BBS4: variants seen among roughly 807,000 people sequenced by gnomAD.
BBS4 encodes Bardet-Biedl syndrome 4, also known as BBSome complex member BBS4.
BBS4 carries 58 observed loss-of-function variants against 71.4 expected under a neutral mutation model. The ratio of observed to expected loss-of-function variants is 0.81; its 90% CI spans 0.66 to 1.01. The LOEUF (loss-of-function observed/expected upper bound fraction) is 1.01. Among genes scored for constraint, BBS4 ranks in the 50% least tolerant of loss-of-function variants. The pLI is 0.00. For missense variants in BBS4, 660 were observed against 607.9 expected (o/e 1.09, Z -0.90); for synonymous variants, 228 against 216.8 (o/e 1.05, Z -0.46).
In BBS4 at chr15:72,737,486, G is replaced by C. The variant is rs2151058260; in HGVS notation, c.1459G>C (p.Gly487Arg). 6.2e-7 allele frequency: 1 copy of C among 1,611,974 alleles called. No homozygotes were observed. Among genetic ancestry groups the C allele is most frequent in the African/African-American group, 1.3e-5 (1 of 75,036 alleles). Residue 487 changes from glycine (G) to arginine (R), a missense_variant, in exon 16 of 16, where the codon GGA (glycine) becomes CGA (arginine). Transcript: ENST00000268057. ...AYRTLPSGAG[G>R]TSQFTKPPSL... is the part of the protein sequence containing the mutation. ...TTTTATTTTGTTACTAGGTGCTGGA[G>C]GAACATCCCAGTTCACAAAGCCCCC... is the stretch of plus-strand genomic sequence containing the variant.
chr15:72,716,645 C>T (rs1199360938), intron 5 of BBS4, 133 bp from the exon 6 acceptor site: 4 of 722,130 alleles, frequency 5.5e-6, no homozygotes, highest in Non-Finnish European at 9.6e-6. Context: ...CTGACCAAAC[C>T]AGCACAACCA....
At chr15:72,702,750 C>T (rs1016106539) in intron 2 of BBS4, among the ~76,000 whole-genome samples, 4 of 151,010 alleles carry the variant, frequency 2.6e-5, no homozygotes, top group African/African-American at 9.7e-5. Context: ...TGTTCGCCCT[C>T]AGATCCATTC....
At chr15:72,709,887 A>C in intron 3 of BBS4, 108 bp downstream of exon 3, 1 of 923,476 alleles carries the variant, frequency 1.1e-6, no homozygotes, top group East Asian at 2.4e-5. Flanking sequence ...ATAAAACATG[A>C]ATTCCTTCTT....
intron 10 of BBS4, among the ~76,000 whole-genome samples, chr15:72,730,127 A>G (rs2065783141): frequency 6.6e-6 from 1 of 151,432 alleles, no homozygotes; most frequent in South Asian, 2.1e-4. Flanking sequence ...ATACAAAAAA[A>G]TTAGCCGGGC....
chr15:72,716,285 C>T (rs2065467281), intron 5 of BBS4, among the ~76,000 whole-genome samples: 1 of 152,112 alleles, frequency 6.6e-6, no homozygotes, highest in Non-Finnish European at 1.5e-5. Flanking sequence ...CATGGAGTTC[C>T]TATCTCCCCT....
At chr15:72,726,602 A>G (rs953747677) in intron 8 of BBS4, among the ~76,000 whole-genome samples, 7 of 152,202 alleles carry the variant, frequency 4.6e-5, no homozygotes, top group African/African-American at 1.7e-4. Flanking sequence ...TTTTCTGGTT[A>G]TATCAGTCAC....
chr15:72,717,125 C>T (rs1321819953), intron 6 of BBS4: 10 of 431,120 alleles, frequency 2.3e-5, no homozygotes, highest in East Asian at 1.8e-4. Flanking sequence ...GTATTTTTTT[C>T]GTCATTGGAA....
In BBS4 at chr15:72,712,093, T is replaced by C. The variant is rs978603844; in HGVS notation, c.157-151T>C. On this transcript the variant is annotated intron_variant, in intron 3 of 15. Coordinates refer to ENST00000268057, the MANE Select transcript of BBS4 (RefSeq NM_033028.5). ...CATATTGGTTAGGCTGATCTTGAACTCCTGACCTCATAATCTGCCTGCCTT... is the reference window on the plus strand; with the variant it reads ...CATATTGGTTAGGCTGATCTTGAACCCCTGACCTCATAATCTGCCTGCCTT... 1.2e-5 allele frequency: 8 copies of C among 682,568 alleles called. No individual in the cohort carries two copies. The African/African-American group carries it at 1.4e-4, about 12-fold the overall frequency. The allele number at this position is 682,568 out of a possible 1,614,324, so 42.3% of individuals were successfully genotyped here.
At chr15:72,706,048 C>T (rs2065259376) in intron 2 of BBS4, among the ~76,000 whole-genome samples, 1 of 152,034 alleles carries the variant, frequency 6.6e-6, no homozygotes, top group Non-Finnish European at 1.5e-5. Context: ...TTACTCTTTC[C>T]CTTTAGTAGA....
intron 5 of BBS4, among the ~76,000 whole-genome samples, chr15:72,716,403 T>C (rs1170088121): frequency 6.6e-6 from 1 of 152,180 alleles, no homozygotes; most frequent in Non-Finnish European, 1.5e-5. Flanking sequence ...GACTTAGTCT[T>C]GGAAGGAAAG....
intron 6 of BBS4, among the ~76,000 whole-genome samples, chr15:72,720,010 A>G (rs1358559264): frequency 1.3e-5 from 2 of 151,504 alleles, no homozygotes; most frequent in African/African-American, 4.8e-5. Flanking sequence ...TGGCCTCCCA[A>G]AGTGCTGAGA....
intron 13 of BBS4, 129 bp downstream of exon 13, chr15:72,735,311 A>ACACATC: frequency 1.4e-6 from 1 of 735,314 alleles, no homozygotes; most frequent in South Asian, 1.5e-5. Context: ...TACATAGCAG[A>ACACATC]CCTCAGTGTG....
intron 10 of BBS4, among the ~76,000 whole-genome samples, chr15:72,730,655 T>A (rs1233883177): frequency 6.6e-6 from 1 of 152,244 alleles, no homozygotes; most frequent in South Asian, 2.1e-4. Flanking sequence ...ACAACTTTTT[T>A]TCTAGATGTG....
intron 2 of BBS4, among the ~76,000 whole-genome samples, chr15:72,696,108 T>G (rs541723891): frequency 6.6e-6 from 1 of 152,324 alleles, no homozygotes; most frequent in South Asian, 2.1e-4. Flanking sequence ...AATGTAATTG[T>G]GGATTTGTTT....
intron 7 of BBS4, among the ~76,000 whole-genome samples, chr15:72,724,008 A>G (rs2065622829): frequency 6.6e-6 from 1 of 152,230 alleles, no homozygotes; most frequent in African/African-American, 2.4e-5. Flanking sequence ...TACTAGGAGA[A>G]GGTAAGCTCC....
At chr15:72,713,368 C>G (rs539918235) in intron 4 of BBS4, among the ~76,000 whole-genome samples, 5 of 151,170 alleles carry the variant, frequency 3.3e-5, no homozygotes, top group African/African-American at 1.2e-4. Flanking sequence ...CACGCACGCA[C>G]TGGTCTAGGC....
chr15:72,693,924 G>A (rs117850503), intron 1 of BBS4, among the ~76,000 whole-genome samples: 3,862 of 150,654 alleles, frequency 0.026, 55 homozygotes, highest in Non-Finnish European at 0.036. Flanking sequence ...TGCTCTTATC[G>A]CCCAAGCTGG....
At chr15:72,686,601 T>A (rs1219562860) in intron 1 of BBS4, 3 of 1,345,996 alleles carry the variant, frequency 2.2e-6, no homozygotes, top group Non-Finnish European at 2.9e-6. Flanking sequence ...TTCCTGTTAA[T>A]CCCGTGAATT....
chr15:72,686,280 C>G, intron 1 of BBS4, 29 bp downstream of exon 1: 8 of 1,559,944 alleles, frequency 5.1e-6, no homozygotes, highest in Non-Finnish European at 6.9e-6. Context: ...TTTAGTTGCC[C>G]GGCCGCAGGG....
Sources: allele counts gnomAD v4.1 joint callset (sites outside exome capture counted in the v4.1 genomes callset), GRCh38; gene constraint gnomAD v4.1.1; transcripts MANE v1.5; gene names NCBI Gene and HGNC (gene_info 2026-07-23, HGNC 2026-07-21).